NCAM2: variants seen among roughly 807,000 people sequenced by gnomAD.
NCAM2 encodes the protein N-CAM-2.
In NCAM2, 30 loss-of-function variants were observed where a neutral mutation model predicts 98.1. The observed-to-expected ratio is 0.31, with a 90% CI of 0.23 to 0.41. The LOEUF (loss-of-function observed/expected upper bound fraction) is 0.41. Ranked by LOEUF, NCAM2 falls within the 10% of genes least tolerant of loss-of-function variation. NCAM2 has a pLI of 1.00. For missense variants in NCAM2, 867 were observed against 1,005.8 expected, an observed-to-expected ratio of 0.86 and a Z score of 1.87; for synonymous variants, 368 against 342.4, an observed-to-expected ratio of 1.07 and a Z score of -0.83.
chr21:21,096,902 C>T (rs768887457), intron 1 of NCAM2, among the ~76,000 whole-genome samples: 30 of 151,748 alleles, frequency 2.0e-4, no homozygotes, highest in Non-Finnish European at 3.8e-4. Flanking sequence ...ATGCCAATGT[C>T]AGCCTTAACC....
At chr21:21,250,109 G>C (rs2071419044) in intron 1 of NCAM2, among the ~76,000 whole-genome samples, 1 of 152,158 alleles carries the variant, frequency 6.6e-6, no homozygotes, top group Non-Finnish European at 1.5e-5. Flanking sequence ...TATTTAGCTT[G>C]ATTAAAATGG....
At chr21:21,321,604 G>T (rs1454434178) in intron 5 of NCAM2, among the ~76,000 whole-genome samples, 1 of 152,118 alleles carries the variant, frequency 6.6e-6, no homozygotes, top group Non-Finnish European at 1.5e-5. Flanking sequence ...TATGATGAAA[G>T]ATAGTGGTCC....
chr21:21,073,188 G>A (rs1293766491), intron 1 of NCAM2, among the ~76,000 whole-genome samples: 1 of 152,028 alleles, frequency 6.6e-6, no homozygotes, highest in African/African-American at 2.4e-5. Context: ...TCCATTGTAT[G>A]CATATATCAC....
At chr21:21,183,239 T>G (rs985598828) in intron 1 of NCAM2, among the ~76,000 whole-genome samples, 2 of 152,110 alleles carry the variant, frequency 1.3e-5, no homozygotes, top group African/African-American at 2.4e-5. Context: ...GACAACAAGG[T>G]TAAAAAATTT....
intron 1 of NCAM2, among the ~76,000 whole-genome samples, chr21:21,024,285 C>T (rs748819250): frequency 6.6e-6 from 1 of 152,146 alleles, no homozygotes; most frequent in Non-Finnish European, 1.5e-5. Flanking sequence ...CTTTATGATA[C>T]CACTATTTCT....
At chr21:21,505,240 A>T (rs1366669724) in intron 15 of NCAM2, among the ~76,000 whole-genome samples, 1 of 152,040 alleles carries the variant, frequency 6.6e-6, no homozygotes, top group African/African-American at 2.4e-5. Flanking sequence ...AAAGAGTAGG[A>T]TCTTAATCTG....
At chr21:21,089,448 A>G (rs1311593882) in intron 1 of NCAM2, among the ~76,000 whole-genome samples, 1 of 152,170 alleles carries the variant, frequency 6.6e-6, no homozygotes, top group Non-Finnish European at 1.5e-5. Flanking sequence ...CAAAAAATCA[A>G]ATTTTAAAAA....
chr21:21,532,556 A>ATCATAGT (rs1321562800), intron 16 of NCAM2, among the ~76,000 whole-genome samples: 2 of 152,174 alleles, frequency 1.3e-5, no homozygotes, highest in South Asian at 2.1e-4. Context: ...AGTAAGAAAA[A>ATCATAGT]GAATTAAAAT....
chr21:21,450,597 C>T (rs767491601), intron 12 of NCAM2, among the ~76,000 whole-genome samples: 6 of 152,038 alleles, frequency 3.9e-5, no homozygotes, highest in Non-Finnish European at 5.9e-5. Flanking sequence ...CCCAAATCAC[C>T]GGGATTATAG....
chr21:21,341,708 CTT>C (rs5842918), intron 8 of NCAM2, among the ~76,000 whole-genome samples: 4 of 142,684 alleles, frequency 2.8e-5, no homozygotes, highest in South Asian at 2.2e-4. Flanking sequence ...TAACAATATT[CTT>C]TTTTTTTTTT....
chr21:21,137,911 GTAGGA>G (rs1389613565), intron 1 of NCAM2, among the ~76,000 whole-genome samples: 4 of 145,872 alleles, frequency 2.7e-5, no homozygotes, highest in African/African-American at 1.0e-4. Context: ...CATAATGAGT[GTAGGA>G]TATTAGCAGG....
At chr21:21,133,441 G>A (rs2066976528) in intron 1 of NCAM2, among the ~76,000 whole-genome samples, 1 of 152,164 alleles carries the variant, frequency 6.6e-6, no homozygotes, top group African/African-American at 2.4e-5. Flanking sequence ...CACAGTTCAC[G>A]TCCACTCCTA....
At chr21:21,377,528 C>T (rs1469302659) in intron 9 of NCAM2, among the ~76,000 whole-genome samples, 1 of 151,710 alleles carries the variant, frequency 6.6e-6, no homozygotes, top group Non-Finnish European at 1.5e-5. Context: ...TTAAGGTGTA[C>T]AAATGTGATG....
At chr21:21,265,085 T>C (rs1166080195) in intron 1 of NCAM2, among the ~76,000 whole-genome samples, 1 of 101,296 alleles carries the variant, frequency 9.9e-6, no homozygotes, top group Non-Finnish European at 1.9e-5. Flanking sequence ...TATACACACA[T>C]ATATTATATA....
chr21:21,108,338 T>G (rs554138252), intron 1 of NCAM2, among the ~76,000 whole-genome samples: 1 of 152,246 alleles, frequency 6.6e-6, no homozygotes, highest in South Asian at 2.1e-4. Flanking sequence ...TCATTCACGG[T>G]TTAATTTCTC....
At chr21:21,433,742 CAATAA>C (rs71322060) in intron 12 of NCAM2, among the ~76,000 whole-genome samples, 5,312 of 105,090 alleles carry the variant, frequency 0.051, 138 homozygotes, top group South Asian at 0.1. Context: ...GACTCCATCT[CAATAA>C]AATAAAATAA....
At chr21:21,147,349 A>C in intron 1 of NCAM2, 1 of 934,826 alleles carries the variant, frequency 1.1e-6, no homozygotes. Context: ...GGCTAGAATC[A>C]GTTGAAATTT....
chr21:21,112,158 T>TTTTTAAAAGC (rs2066466378), intron 1 of NCAM2, among the ~76,000 whole-genome samples: 1 of 152,196 alleles, frequency 6.6e-6, no homozygotes, highest in Admixed American at 6.5e-5. Context: ...TAGCTTTTGC[T>TTTTTAAAAGC]TTCTTTTCCT....
intron 12 of NCAM2, among the ~76,000 whole-genome samples, chr21:21,433,423 T>G (rs1279457249): frequency 1.3e-5 from 2 of 152,034 alleles, no homozygotes; most frequent in Non-Finnish European, 2.9e-5. Context: ...CTACTTTAAA[T>G]TTTGTTTTGT....
Sources: gnomAD v4.1 joint callset for allele counts (sites outside exome capture counted in the v4.1 genomes callset) on GRCh38, gnomAD v4.1.1 for gene constraint, MANE v1.5 for transcripts, NCBI Gene and HGNC (gene_info 2026-07-23, HGNC 2026-07-21) for gene names.